Variants in ROBO2 observed in about 807,000 individuals in gnomAD.
ROBO2 encodes the protein roundabout homolog 2.
A neutral mutation model predicts 160.8 loss-of-function variants in ROBO2; 53 were observed. The observed-to-expected ratio is 0.33, with a 90% CI of 0.26 to 0.41. ROBO2 has a LOEUF of 0.41. ROBO2 is among the 10% of genes least tolerant of loss of function. The pLI is 1.00. For synonymous variants in ROBO2, 664 were observed against 611.7 expected (o/e 1.09, Z -1.26); for missense variants, 1,577 against 1,722.4 (o/e 0.92, Z 1.49).
chr3:76,601,402 T>G (rs2087130241), intron 2 of ROBO2, among the ~76,000 whole-genome samples: 1 of 152,206 alleles, frequency 6.6e-6, no homozygotes, highest in Non-Finnish European at 1.5e-5. Flanking sequence ...GTTTCCACCC[T>G]TGCAGCAAAC....
chr3:76,097,171 A>C (rs2069486421), intron 2 of ROBO2, among the ~76,000 whole-genome samples: 1 of 152,126 alleles, frequency 6.6e-6, no homozygotes, highest in African/African-American at 2.4e-5. Flanking sequence ...GAATGTGGTG[A>C]ATCTTGTTAA....
intron 2 of ROBO2, among the ~76,000 whole-genome samples, chr3:76,617,542 T>C (rs2088690665): frequency 6.6e-6 from 1 of 152,172 alleles, no homozygotes; most frequent in Non-Finnish European, 1.5e-5. Flanking sequence ...TTAATCTTCA[T>C]TTATTTTTCA....
At chr3:77,536,327 C>CCCTT (rs1483857196) in intron 6 of ROBO2, among the ~76,000 whole-genome samples, 1 of 151,890 alleles carries the variant, frequency 6.6e-6, no homozygotes, top group African/African-American at 2.4e-5. Context: ...CACTCTCCCA[C>CCCTT]CCTTCCTTCC....
intron 2 of ROBO2, among the ~76,000 whole-genome samples, chr3:76,137,829 T>A (rs1041353488): frequency 4.0e-5 from 6 of 151,766 alleles, no homozygotes; most frequent in Admixed American, 2.0e-4. Context: ...TTCTTCTGTT[T>A]TATATATATA....
chr3:76,027,505 G>T (rs80029745), intron 2 of ROBO2, among the ~76,000 whole-genome samples: 1,577 of 151,958 alleles, frequency 0.01, 18 homozygotes, highest in Middle Eastern at 0.044. Flanking sequence ...AACCAATGGT[G>T]AGCCACTGTT....
At chr3:76,905,325 A>G (rs1012487203) in intron 2 of ROBO2, among the ~76,000 whole-genome samples, 2 of 152,312 alleles carry the variant, frequency 1.3e-5, no homozygotes, top group South Asian at 2.1e-4. Context: ...AGGACAAGGC[A>G]ATCACGTATA....
At chr3:76,867,119 G>T (rs2071462818) in intron 2 of ROBO2, among the ~76,000 whole-genome samples, 2 of 152,164 alleles carry the variant, frequency 1.3e-5, no homozygotes, top group African/African-American at 4.8e-5. Context: ...GTGTTTACAT[G>T]TTGGGAGAGT....
chr3:76,516,447 G>A (rs535964576), intron 2 of ROBO2, among the ~76,000 whole-genome samples: 6 of 152,166 alleles, frequency 3.9e-5, no homozygotes, highest in South Asian at 2.1e-4. Flanking sequence ...ACACATTGTC[G>A]TATTGAGTTG....
At chr3:76,171,664 C>A (rs1294107604) in intron 2 of ROBO2, among the ~76,000 whole-genome samples, 1 of 151,870 alleles carries the variant, frequency 6.6e-6, no homozygotes. Context: ...GGTAGGTGCA[C>A]ATGCGTAAGA....
intron 2 of ROBO2, among the ~76,000 whole-genome samples, chr3:75,940,867 G>A (rs1208213455): frequency 6.6e-6 from 1 of 152,078 alleles, no homozygotes; most frequent in Non-Finnish European, 1.5e-5. Context: ...CTATAGAGAG[G>A]CACCAGAAAA....
intron 2 of ROBO2, among the ~76,000 whole-genome samples, chr3:76,829,484 A>G (rs112418543): frequency 3.9e-5 from 6 of 152,020 alleles, no homozygotes; most frequent in East Asian, 1.9e-4. Flanking sequence ...ATAATAAAAA[A>G]AAAGAAAGAA....
At chr3:76,623,677 T>C (rs1021160575) in intron 2 of ROBO2, among the ~76,000 whole-genome samples, 2 of 152,220 alleles carry the variant, frequency 1.3e-5, no homozygotes, top group African/African-American at 4.8e-5. Flanking sequence ...ACCTACATTA[T>C]TCTGAAATCT....
intron 2 of ROBO2, among the ~76,000 whole-genome samples, chr3:77,324,426 G>A (rs1049708083): frequency 6.6e-6 from 1 of 152,174 alleles, no homozygotes; most frequent in Non-Finnish European, 1.5e-5. Context: ...GTGGCATCGA[G>A]TATAAAAGTA....
intron 2 of ROBO2, among the ~76,000 whole-genome samples, chr3:76,683,718 C>T (rs987541155): frequency 1.3e-5 from 2 of 151,996 alleles, no homozygotes; most frequent in Non-Finnish European, 2.9e-5. Flanking sequence ...TTTAAGTGAA[C>T]ATTTCCAATG....
At chr3:76,246,514 G>C (rs897395730) in intron 2 of ROBO2, among the ~76,000 whole-genome samples, 2 of 152,044 alleles carry the variant, frequency 1.3e-5, no homozygotes, top group Non-Finnish European at 2.9e-5. Flanking sequence ...TGTATAAAAT[G>C]TTTCATGAGT....
chr3:77,576,778 C>T (rs994236043), intron 14 of ROBO2, among the ~76,000 whole-genome samples: 7 of 152,102 alleles, frequency 4.6e-5, no homozygotes, highest in African/African-American at 1.7e-4. Context: ...CTTGCCCATC[C>T]ATATAATATA....
At chr3:76,607,898 T>C (rs1038688906) in intron 2 of ROBO2, among the ~76,000 whole-genome samples, 4 of 152,222 alleles carry the variant, frequency 2.6e-5, no homozygotes, top group Non-Finnish European at 5.9e-5. Flanking sequence ...AGCTTAGACC[T>C]GACCTTCAAC....
At chr3:76,429,687 C>T (rs1287789136) in intron 2 of ROBO2, among the ~76,000 whole-genome samples, 1 of 152,094 alleles carries the variant, frequency 6.6e-6, no homozygotes. Flanking sequence ...AGTGTATCAT[C>T]CTCATAAACT....
At chr3:77,054,508 A>G (rs2065528490) in intron 1 of ROBO2, among the ~76,000 whole-genome samples, 1 of 152,182 alleles carries the variant, frequency 6.6e-6, no homozygotes. Flanking sequence ...GACTCTTCAG[A>G]TGAAGTGTGT....
Sources: allele counts gnomAD v4.1 joint callset (sites outside exome capture counted in the v4.1 genomes callset), GRCh38; gene constraint gnomAD v4.1.1; transcripts MANE v1.5; gene names NCBI Gene and HGNC (gene_info 2026-07-23, HGNC 2026-07-21).